The following CCDC73 variants were observed in gnomAD, a reference collection of about 807,000 sequenced individuals.
CCDC73 encodes coiled-coil domain-containing protein 73.
CCDC73 carries 95 observed loss-of-function variants against 116.5 expected under a neutral mutation model. The ratio of observed to expected loss-of-function variants is 0.82; its 90% CI spans 0.69 to 0.97. CCDC73 has a LOEUF of 0.97. Among genes scored for constraint, CCDC73 ranks in the 50% least tolerant of loss-of-function variants. CCDC73 has a pLI of 0.00. For synonymous variants in CCDC73, 398 were observed against 401.3 expected, an observed-to-expected ratio of 0.99 and a Z score of 0.10; for missense variants, 1,066 against 1,206.8, an observed-to-expected ratio of 0.88 and a Z score of 1.73.
intron 7 of CCDC73, chr11:32,683,251 G>A (rs1856164281): frequency 2.6e-6 from 1 of 379,498 alleles, no homozygotes; most frequent in Non-Finnish European, 4.9e-6. Context: ...GCATCATGTT[G>A]ACACTCAAAA....
At chr11:32,674,030 C>T (rs1397957696) in intron 9 of CCDC73, among the ~76,000 whole-genome samples, 5 of 152,172 alleles carry the variant, frequency 3.3e-5, no homozygotes, top group African/African-American at 1.2e-4. Flanking sequence ...TCTCTTCTTC[C>T]TCCCATCTCC....
At chr11:32,705,140 G>T (rs1849845005) in intron 3 of CCDC73, among the ~76,000 whole-genome samples, 1 of 152,186 alleles carries the variant, frequency 6.6e-6, no homozygotes, top group South Asian at 2.1e-4. Flanking sequence ...AACAGCAGTG[G>T]GGCTAGGCCA....
intron 6 of CCDC73, among the ~76,000 whole-genome samples, chr11:32,691,076 C>T (rs1856253685): frequency 1.3e-5 from 2 of 151,338 alleles, no homozygotes; most frequent in Non-Finnish European, 2.9e-5. Context: ...ACCAGTCTCA[C>T]TCTTGTCCCC....
the CCDC73 span, among the ~76,000 whole-genome samples, chr11:32,802,925 C>CT: frequency 2.0e-3 from 280 of 138,460 alleles, no homozygotes; most frequent in Middle Eastern, 3.8e-3. Flanking sequence ...GCTAATTTTT[C>CT]TTTTTTTTTT....
At chr11:32,705,559 G>A (rs978445724) in intron 3 of CCDC73, among the ~76,000 whole-genome samples, 14 of 152,154 alleles carry the variant, frequency 9.2e-5, no homozygotes, top group African/African-American at 3.4e-4. Flanking sequence ...TGTGTGCCTG[G>A]CTTGCTCTTG....
intron 9 of CCDC73, 110 bp from the exon 10 acceptor site, chr11:32,655,082 T>TATATTTCATATATCAAG: frequency 8.1e-6 from 1 of 123,218 alleles, no homozygotes; most frequent in Non-Finnish European, 1.4e-5. Flanking sequence ...TATAATTTGT[T>TATATTTCATATATCAAG]ATAATTCCCT....
At chr11:32,644,840 G>A (rs1257383057) in intron 12 of CCDC73, among the ~76,000 whole-genome samples, 3 of 151,936 alleles carry the variant, frequency 2.0e-5, no homozygotes, top group South Asian at 2.1e-4. Context: ...ATGGAATCAC[G>A]GAACAACACT....
intron 1 of CCDC73, among the ~76,000 whole-genome samples, chr11:32,765,637 AC>A (rs1380665545): frequency 3.9e-5 from 6 of 152,242 alleles, no homozygotes; most frequent in African/African-American, 1.4e-4. Flanking sequence ...AATTTATAGC[AC>A]TAAATGCCCA....
chr11:32,693,741 G>GATGCAAGGCTGTTTCAACAT (rs1242999061), intron 6 of CCDC73, among the ~76,000 whole-genome samples: 3 of 152,182 alleles, frequency 2.0e-5, no homozygotes, highest in Non-Finnish European at 4.4e-5. Context: ...TCATCCCTGG[G>GATGCAAGGCTGTTTCAACAT]ATGCAAGGCT....
intron 6 of CCDC73, among the ~76,000 whole-genome samples, chr11:32,697,979 C>CCAGT (rs1313089603): frequency 6.7e-6 from 1 of 149,934 alleles, no homozygotes; most frequent in African/African-American, 2.5e-5. Flanking sequence ...CAAGTAGGCC[C>CCAGT]CAGTGTCTGT....
intron 2 of CCDC73, among the ~76,000 whole-genome samples, chr11:32,751,724 T>C (rs574658882): frequency 2.0e-5 from 3 of 152,314 alleles, no homozygotes; most frequent in Admixed American, 1.3e-4. Context: ...CTTTCAGCAA[T>C]ATGAAGTTAA....
intron 1 of CCDC73, among the ~76,000 whole-genome samples, chr11:32,767,315 T>A (rs1472026255): frequency 6.6e-6 from 1 of 152,086 alleles, no homozygotes; most frequent in Non-Finnish European, 1.5e-5. Context: ...TATACAAAAA[T>A]TAATTCAAGA....
intron 12 of CCDC73, among the ~76,000 whole-genome samples, chr11:32,649,678 G>A (rs1265495034): frequency 6.6e-6 from 1 of 152,136 alleles, no homozygotes; most frequent in Non-Finnish European, 1.5e-5. Context: ...GACAAGTACT[G>A]ATCCATGACA....
At chr11:32,609,000 C>G (rs1008085272) in intron 17 of CCDC73, among the ~76,000 whole-genome samples, 1 of 152,172 alleles carries the variant, frequency 6.6e-6, no homozygotes, top group East Asian at 1.9e-4. Context: ...GCCCCGCCCA[C>G]AAAACCATTT....
intron 2 of CCDC73, among the ~76,000 whole-genome samples, chr11:32,731,688 C>A (rs1850079897): frequency 6.6e-6 from 1 of 152,218 alleles, no homozygotes; most frequent in South Asian, 2.1e-4. Context: ...TCCAACAGAC[C>A]TGCAGCTGAG....
chr11:32,768,302 T>A (rs1850461726), intron 1 of CCDC73, among the ~76,000 whole-genome samples: 1 of 152,016 alleles, frequency 6.6e-6, no homozygotes, highest in African/African-American at 2.4e-5. Context: ...AAGGGGAACA[T>A]CACACACCAG....
rs372985366 is a variant in CCDC73, at chr11:32,614,299, C to G, written c.2019G>C (p.Glu673Asp). ...TTTGTTTAGAAAGTAATATGCTGCA[C>G]TCACTTTTTTTAGTTAACAGTTGTA... Reference protein sequence around the residue: ...KQIQLLTKKSECSILLSKQTS... With the variant: ...KQIQLLTKKSDCSILLSKQTS... The change falls in exon 16 of 18, where the codon GAG (glutamate) becomes GAC (aspartate). Residue 673 changes from glutamate (E) to aspartate (D), a missense_variant. Transcript: ENST00000335185. 3 of 1,613,034 alleles carry G rather than the reference C, an allele frequency of 1.9e-6. No homozygotes were observed. In the South Asian group the frequency reaches 3.3e-5, roughly 18 times the overall value.
At chr11:32,679,390 G>A (rs1383203366) in intron 7 of CCDC73, among the ~76,000 whole-genome samples, 2 of 152,022 alleles carry the variant, frequency 1.3e-5, no homozygotes, top group African/African-American at 2.4e-5. Context: ...TGGAGATGGA[G>A]TCTCTCTCTG....
chr11:32,766,211 T>A (rs1270527384), intron 1 of CCDC73, among the ~76,000 whole-genome samples: 1 of 152,134 alleles, frequency 6.6e-6, no homozygotes. Flanking sequence ...AAAAACCACA[T>A]GATTATCTCA....
Sources: gnomAD v4.1 joint callset for allele counts (sites outside exome capture counted in the v4.1 genomes callset) on GRCh38, gnomAD v4.1.1 for gene constraint, MANE v1.5 for transcripts, NCBI Gene and HGNC (gene_info 2026-07-23, HGNC 2026-07-21) for gene names.